Variants in TANGO6 observed in about 807,000 individuals in gnomAD.
TANGO6 encodes transport and golgi organization 6 homolog, also known as transport and Golgi organization protein 6 homolog.
A neutral mutation model predicts 114.2 loss-of-function variants in TANGO6; 90 were observed. The observed-to-expected ratio is 0.79, with a 90% CI of 0.66 to 0.94. TANGO6 has a LOEUF of 0.94. TANGO6 is among the 40% of genes least tolerant of loss of function. The probability of loss-of-function intolerance (pLI) is 0.00; values close to 1 mark genes in which losing one functional copy is unlikely to be tolerated. For synonymous variants in TANGO6, 477 were observed against 509.8 expected (o/e 0.94, Z 0.87); for missense variants, 1,274 against 1,315.3 (o/e 0.97, Z 0.49).
intron 15 of TANGO6, among the ~76,000 whole-genome samples, chr16:68,979,925 A>G (rs955363834): frequency 4.6e-5 from 7 of 151,208 alleles, no homozygotes; most frequent in African/African-American, 1.7e-4. Flanking sequence ...GCTCACTTCA[A>G]CGTCCGGCTG....
At chr16:68,942,070 C>A (rs1168493674) in intron 14 of TANGO6, among the ~76,000 whole-genome samples, 1 of 152,126 alleles carries the variant, frequency 6.6e-6, no homozygotes, top group African/African-American at 2.4e-5. Context: ...TGGCTCACAC[C>A]TGTAATCCCA....
chr16:68,950,215 A>C (rs1360875298), intron 14 of TANGO6, among the ~76,000 whole-genome samples: 1 of 152,158 alleles, frequency 6.6e-6, no homozygotes, highest in Non-Finnish European at 1.5e-5. Flanking sequence ...GGAATTAGAT[A>C]GTGGGGATTA....
At chr16:69,077,699 C>A (rs1035931088) in intron 17 of TANGO6, among the ~76,000 whole-genome samples, 2 of 151,936 alleles carry the variant, frequency 1.3e-5, no homozygotes, top group African/African-American at 4.8e-5. Flanking sequence ...CGTGGTGGCA[C>A]GTGCCTGTAA....
chr16:69,054,710 G>T (rs996397522), intron 17 of TANGO6, among the ~76,000 whole-genome samples: 1 of 151,660 alleles, frequency 6.6e-6, no homozygotes. Flanking sequence ...AAGGTGGGCG[G>T]ATCACGAGGT....
In TANGO6 at chr16:68,879,752, G is replaced by T. The variant is rs142940219; in HGVS notation, c.1295-796G>T. 2.6e-3 allele frequency among the ~76,000 whole-genome samples: 394 copies of T among 151,328 alleles called. 4 individuals are homozygous for T. Among genetic ancestry groups the T allele is most frequent in the African/African-American group, 9.1e-3 (375 of 41,226 alleles). Reference sequence around the variant, plus strand: ...CTGCCTCAGCCTCCTGAGTAGCTGGGATTACAGGTGCCCGTCACCACGCCC... The same window carrying T: ...CTGCCTCAGCCTCCTGAGTAGCTGGTATTACAGGTGCCCGTCACCACGCCC... On this transcript the variant is annotated intron_variant, in intron 6 of 17. Transcript: ENST00000261778.
intron 15 of TANGO6, among the ~76,000 whole-genome samples, 162 bp downstream of exon 15, chr16:68,974,330 T>C (rs1195502458): frequency 6.6e-6 from 1 of 152,200 alleles, no homozygotes; most frequent in African/African-American, 2.4e-5. Flanking sequence ...CGATGTCTAC[T>C]ATGAGACTGA....
chr16:69,062,437 C>T (rs1237507900), intron 17 of TANGO6, among the ~76,000 whole-genome samples: 1 of 151,814 alleles, frequency 6.6e-6, no homozygotes, highest in East Asian at 1.9e-4. Flanking sequence ...GTAAGAGTTA[C>T]CTGGGGAGCA....
intron 17 of TANGO6, among the ~76,000 whole-genome samples, chr16:69,055,467 T>A (rs1040661847): frequency 7.9e-5 from 12 of 152,232 alleles, no homozygotes; most frequent in African/African-American, 2.9e-4. Flanking sequence ...TCAGATTCCC[T>A]TTCTAGACCC....
intron 17 of TANGO6, among the ~76,000 whole-genome samples, chr16:69,073,784 GTC>G (rs1960331467): frequency 6.6e-6 from 1 of 151,932 alleles, no homozygotes; most frequent in Non-Finnish European, 1.5e-5. Context: ...GTGAAACCCA[GTC>G]TCTACTAAAA....
intron 17 of TANGO6, among the ~76,000 whole-genome samples, chr16:69,041,521 A>G (rs59286026): frequency 0.17 from 25,208 of 151,890 alleles, 2,193 homozygotes; most frequent in Non-Finnish European, 0.19. Context: ...ATGTTACCAT[A>G]TGGAGTTTCT....
intron 17 of TANGO6, among the ~76,000 whole-genome samples, chr16:69,042,240 C>G (rs1368921951): frequency 6.6e-6 from 1 of 152,164 alleles, no homozygotes; most frequent in Non-Finnish European, 1.5e-5. Flanking sequence ...TGGGGAAGAT[C>G]TGGCTGACTC....
At chr16:69,035,408 A>AGAT (rs1251371655) in intron 16 of TANGO6, 1 of 152,246 alleles carries the variant, frequency 6.6e-6, no homozygotes, top group Admixed American at 6.5e-5. Context: ...AAATGGATGA[A>AGAT]GATGCAGTTG....
intron 4 of TANGO6, among the ~76,000 whole-genome samples, chr16:68,874,677 G>A (rs140570795): frequency 1.2e-3 from 181 of 152,272 alleles, no homozygotes; most frequent in African/African-American, 1.8e-3. Context: ...GGCCAGGCGC[G>A]GTGGCTCATG....
At position 69,045,180 on chromosome 16, in the gene TANGO6, C is replaced by T. The variant is rs564520967; in HGVS notation, c.3108+4759C>T. On this transcript the variant is annotated intron_variant, in intron 17 of 17. Transcript: ENST00000261778. ...TCAAAAAAAAAAAAAAAAAGCTGGG[C>T]GCGGCGACTCACACCTATAATCCCA... 4.6e-3 allele frequency among the ~76,000 whole-genome samples: 594 copies of T among 127,928 alleles called. 3 individuals are homozygous for T. Among genetic ancestry groups the T allele is most frequent in the Non-Finnish European group, 6.8e-3 (406 of 59,742 alleles). 83.9% of individuals were successfully genotyped at this position (127,928 alleles called of 152,430 possible). A position where few individuals can be genotyped will look rare whatever the true frequency, so the allele number is the denominator to read the frequency against.
At position 69,022,971 on chromosome 16, in the gene TANGO6, G is replaced by A; in HGVS notation, c.2986G>A (p.Val996Ile). The A allele has an allele frequency of 6.3e-7, 1 of 1,589,328 alleles. No individual in the cohort carries two copies. Among genetic ancestry groups the A allele is most frequent in the Non-Finnish European group, 8.5e-7 (1 of 1,172,324 alleles). The change falls in exon 16 of 18, where the codon GTC becomes ATC. Residue 996 changes from valine (V) to isoleucine (I), a missense_variant. Physicochemically the swap from Val to Ile is conservative, Grantham distance 29 (BLOSUM62 3). Around this residue, in one of 5 missense-constraint regions of TANGO6, gnomAD observed 238 missense variants for 252.9 expected, o/e 0.94. Coordinates refer to ENST00000261778, the MANE Select transcript of TANGO6 (RefSeq NM_024562.2). Reference protein sequence around the residue: ...QRLDFLLGSVVHEVTACLIAV... With the variant: ...QRLDFLLGSVIHEVTACLIAV... ...GCTGGACTTTCTGCTGGGCTCCGTGGTCCATGAGGTACTGTATTTTGATTC... is the reference window on the plus strand; with the variant it reads ...GCTGGACTTTCTGCTGGGCTCCGTGATCCATGAGGTACTGTATTTTGATTC...
rs35431565 is a variant in TANGO6 at position 69,083,098 on chromosome 16, T to C, written c.3109-387T>C. Among the ~76,000 whole-genome samples the C allele has an allele frequency of 7.7e-3, 830 of 108,064 alleles. 2 individuals are homozygous for C. The highest frequency in any genetic ancestry group is 0.012 in the Non-Finnish European group (597 of 50,184). The allele number at this position is 108,064 out of a possible 152,430, so 70.9% of individuals were successfully genotyped here. On this transcript the variant is annotated intron_variant, in intron 17 of 17. Transcript: ENST00000261778. ...CAAGATGGCCATGCATTATCTTCTT[T>C]TTTTTTTTTTTTTTTTTTCTGCACC...
chr16:69,012,556 C>CAAAAAAAAAAAA lies in TANGO6; in HGVS notation c.2843-10261_2843-10250dup, dbSNP rs1175561720. 2.1e-3 allele frequency among the ~76,000 whole-genome samples: 75 copies of CAAAAAAAAAAAA among 36,494 alleles called. 1 individual carries two copies. Among genetic ancestry groups the CAAAAAAAAAAAA allele is most frequent in the African/African-American group, 7.1e-3 (68 of 9,518 alleles). 23.9% of individuals were successfully genotyped at this position (36,494 alleles called of 152,430 possible). ...GGGCAACAAGAGCGAAACTCTGTCT[C>CAAAAAAAAAAAA]AAAAAAAAAAAAAAAAAAAAAAGGA... On this transcript the variant is annotated intron_variant, in intron 15 of 17. Coordinates refer to ENST00000261778, the MANE Select transcript of TANGO6 (RefSeq NM_024562.2).
At chr16:68,924,163 G>A (rs189893906) in intron 12 of TANGO6, among the ~76,000 whole-genome samples, 1 of 151,890 alleles carries the variant, frequency 6.6e-6, no homozygotes. Context: ...TGACTTTCCA[G>A]TTAACTAAGC....
At chr16:69,040,615 CAT>C (rs1466076936) in intron 17 of TANGO6, among the ~76,000 whole-genome samples, 194 bp downstream of exon 17, 1 of 152,098 alleles carries the variant, frequency 6.6e-6, no homozygotes, top group Non-Finnish European at 1.5e-5. Context: ...ACCTCAGTAA[CAT>C]ATTGGCCAAA....
Sources: gnomAD v4.1 joint callset for allele counts (sites outside exome capture counted in the v4.1 genomes callset) on GRCh38, gnomAD v4.1.1 for gene constraint, gnomAD v4.1.1 regional missense constraint, MANE v1.5 for transcripts, NCBI Gene and HGNC (gene_info 2026-07-23, HGNC 2026-07-21) for gene names.